The following LAMA4 variants were observed in gnomAD, a reference collection of about 807,000 sequenced individuals.
LAMA4 encodes the protein laminin subunit alpha 4.
A neutral mutation model predicts 207.1 loss-of-function variants in LAMA4; 127 were observed. That is an observed-to-expected ratio of 0.61 (90% CI 0.53 to 0.71). LAMA4 has a LOEUF of 0.71. Ranked by LOEUF, LAMA4 falls within the 30% of genes least tolerant of loss-of-function variation. LAMA4 has a pLI of 0.00. For missense variants in LAMA4, 2,093 were observed against 2,246.5 expected (o/e 0.93, Z 1.38); for synonymous variants, 761 against 816.0 (o/e 0.93, Z 1.15).
rs184766948 is a variant in LAMA4 at position 112,206,984 on chromosome 6, T to C, written c.422+37A>G. 1,711 of 1,609,544 alleles carry C rather than the reference T, an allele frequency of 1.1e-3. 3 individuals are homozygous for C. The highest frequency in any genetic ancestry group is 1.4e-3 in the Non-Finnish European group (1,626 of 1,178,716). ...AAACAAAACAAAACAATACATAGAC[T>C]GATCATTAGAAGAGACCATCCTCCT... is the stretch of plus-strand genomic sequence containing the variant. On this transcript the variant is annotated intron_variant, in intron 4 of 38. Coordinates refer to ENST00000230538, the MANE Select transcript of LAMA4 (RefSeq NM_001105206.3).
rs397516734 is a variant in LAMA4, at chr6:112,201,625, A to G, written c.486T>C (p.Ala162=). ...AVRCICNENY[A]GPNCERCAPG... ...TGGCTTACCTTTCACAGTTAGGTCC[A>G]GCATAATTTTCGTTACAAATGCACC... Residue 162 remains alanine (A), a synonymous_variant, in exon 5 of 39, where the codon GCT becomes GCC. Transcript: ENST00000230538. 5.8e-4 allele frequency: 935 copies of G among 1,613,888 alleles called. 14 individuals are homozygous for G. The South Asian group carries it at 9.6e-3, about 17-fold the overall frequency.
At chr6:112,166,752 T>G (rs1554340074) in intron 12 of LAMA4, among the ~76,000 whole-genome samples, 1 of 152,204 alleles carries the variant, frequency 6.6e-6, no homozygotes, top group Non-Finnish European at 1.5e-5. Flanking sequence ...AATAAAGATA[T>G]TTCCACAGAA....
At chr6:112,253,757 C>A (rs1554190340) in intron 2 of LAMA4, 199 bp downstream of exon 2, 2 of 1,613,794 alleles carry the variant, frequency 1.2e-6, no homozygotes. Flanking sequence ...TCCGAAGCCT[C>A]AACTTTCAAC....
intron 37 of LAMA4, 137 bp downstream of exon 37, chr6:112,114,526 T>A: frequency 1.4e-6 from 1 of 727,536 alleles, no homozygotes; most frequent in East Asian, 2.7e-5. Flanking sequence ...CATAATAGTA[T>A]AATAACATGA....
intron 31 of LAMA4, among the ~76,000 whole-genome samples, chr6:112,125,083 T>C (rs1473667086): frequency 6.6e-6 from 1 of 152,170 alleles, no homozygotes; most frequent in African/African-American, 2.4e-5. Flanking sequence ...TAGGATAGTA[T>C]TGTGGTGTCC....
chr6:112,139,924 C>A lies in LAMA4; in HGVS notation c.2977-39G>T. On this transcript the variant is annotated intron_variant, in intron 22 of 38. Transcript: ENST00000230538. ...AAAGTAAAACCACTTGTCTCATGGT[C>A]ATATTTTACTCAGACATCACAGAAC... 2.5e-6 allele frequency: 4 copies of A among 1,606,332 alleles called. No individual in the cohort carries two copies. The South Asian group carries it at 3.3e-5, about 13-fold the overall frequency.
intron 10 of LAMA4, among the ~76,000 whole-genome samples, chr6:112,177,684 T>C (rs1331299310): frequency 2.0e-5 from 3 of 152,228 alleles, no homozygotes; most frequent in Admixed American, 6.5e-5. Flanking sequence ...TGTTGCCTGA[T>C]TGGCCTTTGG....
At chr6:112,213,818 T>A in intron 3 of LAMA4, 1 of 394,730 alleles carries the variant, frequency 2.5e-6, no homozygotes, top group Non-Finnish European at 4.5e-6. Flanking sequence ...GATACAGAGG[T>A]CTTATATGCC....
Position 112,109,111 on chromosome 6 carries a change from C to A in LAMA4, c.*326G>T. 1 of 321,906 alleles carries A rather than the reference C, an allele frequency of 3.1e-6. No homozygotes were observed. Among genetic ancestry groups the A allele is most frequent in the South Asian group, 3.4e-5 (1 of 29,840 alleles). The allele number at this position is 321,906 out of a possible 1,614,324, so 19.9% of individuals were successfully genotyped here. On this transcript the variant is annotated 3_prime_UTR_variant, in exon 39 of 39. Transcript: ENST00000230538. ...TGAATCTGAGAATCTAGCCGCACTT[C>A]AAAAATGTGTGCAAGTGTTTATTTG...
chr6:112,125,422 C>T (rs1312047378), intron 31 of LAMA4, among the ~76,000 whole-genome samples: 1 of 152,192 alleles, frequency 6.6e-6, no homozygotes, highest in Non-Finnish European at 1.5e-5. Context: ...GCATCTAAAA[C>T]ACAGGGCCTG....
chr6:112,254,320 T>C (rs1787706883), intron 1 of LAMA4, 29 bp from the exon 2 acceptor site: 4 of 746,638 alleles, frequency 5.4e-6, no homozygotes, highest in Non-Finnish European at 6.8e-6. Flanking sequence ...AGTGCGAGAG[T>C]AAGGGAGAGT....
intron 2 of LAMA4, among the ~76,000 whole-genome samples, chr6:112,232,742 G>A (rs1345358285): frequency 1.3e-5 from 2 of 152,068 alleles, no homozygotes; most frequent in Non-Finnish European, 2.9e-5. Context: ...GGCAATGTCT[G>A]GGGTGCAACA....
chr6:112,142,328 G>A, intron 19 of LAMA4, 36 bp from the exon 20 acceptor site: 1 of 1,596,666 alleles, frequency 6.3e-7, no homozygotes, highest in Non-Finnish European at 8.6e-7. Context: ...AAAGTGCTTT[G>A]CAGAAATGGG....
intron 2 of LAMA4, among the ~76,000 whole-genome samples, chr6:112,223,241 T>C (rs1044308447): frequency 1.3e-5 from 2 of 152,100 alleles, no homozygotes; most frequent in African/African-American, 2.4e-5. Context: ...GGCAAATGCC[T>C]TGGACACATT....
intron 10 of LAMA4, among the ~76,000 whole-genome samples, 167 bp from the exon 11 acceptor site, chr6:112,175,647 A>G (rs1362894134): frequency 6.6e-6 from 1 of 152,230 alleles, no homozygotes; most frequent in Non-Finnish European, 1.5e-5. Context: ...CCCAGCGAGC[A>G]TGGAAGCTCA....
At chr6:112,155,268 G>T in intron 15 of LAMA4, 1 of 559,592 alleles carries the variant, frequency 1.8e-6, no homozygotes, top group East Asian at 3.1e-5. Flanking sequence ...AATGCATAAA[G>T]TATCTTCTCT....
At position 112,131,118 on chromosome 6, in the gene LAMA4, G is replaced by A; in HGVS notation, c.3835-17C>T. The A allele has an allele frequency of 6.2e-7, 1 of 1,612,174 alleles. No individual in the cohort carries two copies. ...CACGTCTGACTGAAATGCAAGCACA[G>A]GCATGTAAGTAGGGAGTCTAGGGAT... On this transcript the variant is annotated splice_polypyrimidine_tract_variant and intron_variant, in intron 28 of 38. Coordinates refer to ENST00000230538, the MANE Select transcript of LAMA4 (RefSeq NM_001105206.3).
intron 5 of LAMA4, among the ~76,000 whole-genome samples, chr6:112,199,458 AC>A (rs1397242774): frequency 1.3e-5 from 2 of 152,104 alleles, no homozygotes; most frequent in Admixed American, 1.3e-4. Context: ...ACCGCCACAG[AC>A]CTCCAGTGAG....
chr6:112,204,748 A>C (rs1247587822), intron 4 of LAMA4, among the ~76,000 whole-genome samples: 4 of 152,216 alleles, frequency 2.6e-5, no homozygotes, highest in Non-Finnish European at 5.9e-5. Flanking sequence ...TACTTGAGTG[A>C]AAATAACAGA....
Sources: allele counts gnomAD v4.1 joint callset (sites outside exome capture counted in the v4.1 genomes callset), GRCh38; gene constraint gnomAD v4.1.1; transcripts MANE v1.5; gene names NCBI Gene and HGNC (gene_info 2026-07-23, HGNC 2026-07-21).